PYGB: variants seen among roughly 807,000 people sequenced by gnomAD.
PYGB encodes the protein glycogen phosphorylase, brain form.
A neutral mutation model predicts 94.3 loss-of-function variants in PYGB; 82 were observed. The observed-to-expected ratio is 0.87, with a 90% confidence interval of 0.73 to 1.04. PYGB has a LOEUF of 1.04. Among genes scored for constraint, PYGB ranks in the 50% least tolerant of loss-of-function variants. PYGB has a pLI of 0.00. For synonymous variants in PYGB, 488 were observed against 479.1 expected (o/e 1.02, Z -0.24); for missense variants, 1,132 against 1,158.2 (o/e 0.98, Z 0.33).
chr20:25,267,912 A>G (rs1020973801), intron 2 of PYGB, among the ~76,000 whole-genome samples: 1 of 152,174 alleles, frequency 6.6e-6, no homozygotes, highest in Admixed American at 6.5e-5. Context: ...TAGGCACTCA[A>G]TTTAAAAACA....
At chr20:25,288,311 C>G (rs768308205) in intron 14 of PYGB, 114 bp from the exon 15 acceptor site, 1 of 1,178,274 alleles carries the variant, frequency 8.5e-7, no homozygotes, top group Non-Finnish European at 1.3e-6. Flanking sequence ...GCTTGAAGTA[C>G]ATGGCGGAGC....
In PYGB at chr20:25,297,365, T is replaced by C. The variant is rs557894647; in HGVS notation, c.*843T>C. On this transcript the variant is annotated 3_prime_UTR_variant, in exon 20 of 20. Transcript: ENST00000216962. ...GCAACTGAAAATTGTACTTGGTCAC[T>C]TTTGTGCTTGAGGAGGCCCATTTTC... 1 of 152,530 alleles carries C rather than the reference T, an allele frequency of 6.6e-6. No individual in the cohort carries two copies. Among genetic ancestry groups the C allele is most frequent in the East Asian group, 1.9e-4 (1 of 5,188 alleles). 9.4% of individuals were successfully genotyped at this position (152,530 alleles called of 1,614,324 possible). A position where few individuals can be genotyped will look rare whatever the true frequency, so the allele number is the denominator to read the frequency against.
rs2088567793 is a variant in PYGB, at chr20:25,297,550, A to C, written c.*1028A>C. 1 of 152,234 alleles carries C rather than the reference A, an allele frequency of 6.6e-6. No individual in the cohort carries two copies. The highest frequency in any genetic ancestry group is 6.5e-5 in the Admixed American group (1 of 15,284). The allele number at this position is 152,234 out of a possible 1,614,324, so 9.4% of individuals were successfully genotyped here. Reference sequence around the variant, plus strand: ...AGGACCAGGGGTCCCGGAGGAACCCATTTGTGCTCTGCTTGGACAGCAGGC... The same window carrying C: ...AGGACCAGGGGTCCCGGAGGAACCCCTTTGTGCTCTGCTTGGACAGCAGGC... On this transcript the variant is annotated 3_prime_UTR_variant, in exon 20 of 20. Coordinates refer to ENST00000216962, the MANE Select transcript of PYGB (RefSeq NM_002862.4).
rs764801264 is a variant in PYGB at position 25,282,014 on chromosome 20, C to T, written c.1404-19C>T. 2 of 1,584,350 alleles carry T rather than the reference C, an allele frequency of 1.3e-6. No homozygotes were observed. The highest frequency in any genetic ancestry group is 8.7e-7 in the Non-Finnish European group (1 of 1,152,994). ...AGGGCACAGCATTTGTGACAGTTCC[C>T]TGTTCTCTGTGTTTGCAGCTTTAAG... On this transcript the variant is annotated intron_variant, in intron 11 of 19. Transcript: ENST00000216962.
intron 18 of PYGB, chr20:25,295,095 G>T: frequency 6.7e-7 from 1 of 1,487,782 alleles, no homozygotes; most frequent in Non-Finnish European, 9.4e-7. Context: ...CTTCTGACTC[G>T]ATAGTGAACA....
intron 6 of PYGB, 43 bp downstream of exon 6, chr20:25,276,800 G>C: frequency 6.4e-7 from 1 of 1,553,452 alleles, no homozygotes; most frequent in Non-Finnish European, 8.8e-7. Context: ...CATGTGGGTG[G>C]CTGGTCCCAG....
At chr20:25,294,543 G>T (rs946736890) in intron 18 of PYGB, among the ~76,000 whole-genome samples, 4 of 152,238 alleles carry the variant, frequency 2.6e-5, no homozygotes, top group Non-Finnish European at 4.4e-5. Flanking sequence ...AGGCCTTGTG[G>T]ACCAATGTGC....
rs2088287271 is a variant in PYGB at position 25,273,822 on chromosome 20, G to A, written c.529-770G>A. ...GCCCCAGCACTTGCGGATTTGCAGT[G>A]TCACTTTCTTTCTTTTTTAATTTTA... On this transcript the variant is annotated intron_variant, in intron 4 of 19. Transcript: ENST00000216962. Among the ~76,000 whole-genome samples, 3 of 152,174 alleles carry A rather than the reference G, an allele frequency of 2.0e-5. No homozygotes were observed. The South Asian group carries it at 6.2e-4, about 31-fold the overall frequency.
intron 8 of PYGB, 53 bp downstream of exon 8, chr20:25,278,515 G>T (rs2088335716): frequency 6.2e-7 from 1 of 1,600,302 alleles, no homozygotes; most frequent in South Asian, 1.1e-5. Context: ...GCGCCTTCAG[G>T]CTCTTGAGGT....
chr20:25,251,675 A>C (rs2092888437), intron 1 of PYGB, among the ~76,000 whole-genome samples: 1 of 152,200 alleles, frequency 6.6e-6, no homozygotes, highest in South Asian at 2.1e-4. Context: ...TAACATCCTG[A>C]AAGGACAGTT....
At chr20:25,260,759 A>G (rs2092911518) in intron 2 of PYGB, among the ~76,000 whole-genome samples, 1 of 152,212 alleles carries the variant, frequency 6.6e-6, no homozygotes. Flanking sequence ...TGGCACCTGG[A>G]GAATCAGATC....
chr20:25,294,968 T>C lies in PYGB; in HGVS notation c.2313-636T>C, dbSNP rs752183281. On this transcript the variant is annotated intron_variant, in intron 18 of 19. Transcript: ENST00000216962. ...TTCGATGACCGTGTCACCTGTTGGCTTCAGTCACACCAGCTCTGACCACAT... is the reference window on the plus strand; with the variant it reads ...TTCGATGACCGTGTCACCTGTTGGCCTCAGTCACACCAGCTCTGACCACAT... The C allele has an allele frequency of 1.1e-5, 18 of 1,614,074 alleles. No individual in the cohort carries two copies. The Admixed American group carries it at 2.8e-4, about 25-fold the overall frequency.
chr20:25,289,415 C>T (rs925398926), intron 15 of PYGB, among the ~76,000 whole-genome samples: 3 of 152,266 alleles, frequency 2.0e-5, no homozygotes, highest in South Asian at 2.1e-4. Context: ...GGAGCCAAGG[C>T]GGGTGGATCG....
intron 1 of PYGB, among the ~76,000 whole-genome samples, chr20:25,257,106 C>G (rs1257646609): frequency 6.6e-6 from 1 of 152,220 alleles, no homozygotes; most frequent in East Asian, 1.9e-4. Context: ...TCTTGGCCAG[C>G]TCCTCCAGCA....
At chr20:25,292,164 C>T (rs563098144) in intron 16 of PYGB, among the ~76,000 whole-genome samples, 28 of 152,260 alleles carry the variant, frequency 1.8e-4, no homozygotes, top group Non-Finnish European at 3.7e-4. Context: ...CCTGAGGAGC[C>T]CCCATCTTGG....
intron 18 of PYGB, 42 bp from the exon 19 acceptor site, chr20:25,295,562 G>A: frequency 1.9e-6 from 3 of 1,581,498 alleles, no homozygotes; most frequent in Non-Finnish European, 1.7e-6. Flanking sequence ...TGTGGGCAGG[G>A]CTCCCTGCTG....
At chr20:25,253,868 T>G (rs967398601) in intron 1 of PYGB, among the ~76,000 whole-genome samples, 3 of 151,826 alleles carry the variant, frequency 2.0e-5, no homozygotes, top group Non-Finnish European at 4.4e-5. Context: ...CATTTGAAAG[T>G]AAGAACCAGC....
At chr20:25,248,536 C>T in intron 1 of PYGB, 115 bp downstream of exon 1, 1 of 1,209,436 alleles carries the variant, frequency 8.3e-7, no homozygotes, top group Non-Finnish European at 1.0e-6. Flanking sequence ...GCGCCCCTAG[C>T]CGGCCGGCGG....
chr20:25,254,259 A>C (rs2092896923), intron 1 of PYGB, among the ~76,000 whole-genome samples: 1 of 152,214 alleles, frequency 6.6e-6, no homozygotes, highest in Admixed American at 6.5e-5. Context: ...GTCCTGCTTA[A>C]TAAATACAAA....
Sources: gnomAD v4.1 joint callset for allele counts (sites outside exome capture counted in the v4.1 genomes callset) on GRCh38, gnomAD v4.1.1 for gene constraint, MANE v1.5 for transcripts, NCBI Gene and HGNC (gene_info 2026-07-23, HGNC 2026-07-21) for gene names.